EARS2: variants seen among roughly 807,000 people sequenced by gnomAD.
EARS2 encodes glutamyl-tRNA synthetase 2, mitochondrial, also known as nondiscriminating glutamyl-tRNA synthetase EARS2, mitochondrial.
Under a neutral mutation model 54.1 loss-of-function variants are expected in EARS2, and 50 were observed. The observed-to-expected ratio is 0.92, with a 90% CI of 0.74 to 1.17. The LOEUF (loss-of-function observed/expected upper bound fraction) is 1.17, where lower values mean the gene tolerates loss of function less well. Among genes scored for constraint, EARS2 ranks in the 50% most tolerant of loss-of-function variants. EARS2 has a pLI of 0.00. For missense variants in EARS2, 673 were observed against 675.0 expected, an observed-to-expected ratio of 1.00 and a Z score of 0.03; for synonymous variants, 298 against 281.0, an observed-to-expected ratio of 1.06 and a Z score of -0.61.
At chr16:23,553,958 G>A (rs988809599) in intron 1 of EARS2, among the ~76,000 whole-genome samples, 10 of 150,896 alleles carry the variant, frequency 6.6e-5, no homozygotes, top group Admixed American at 4.6e-4. Flanking sequence ...GACTGTCCAC[G>A]TCGTACATTT....
rs1965204005 is a variant in EARS2, at chr16:23,525,182, TG to T, written c.1488+61del. The T allele has an allele frequency of 1.9e-6, 3 of 1,612,664 alleles. No homozygotes were observed. The African/African-American group carries it at 4.0e-5, about 22-fold the overall frequency. ...ATTGAGCTCAGTGCCTGCCAGGAAA[TG>T]TAAGTTCAAAGGATCAATGAGGGGC... On this transcript the variant is annotated intron_variant, in intron 8 of 8. Coordinates refer to ENST00000449606, the MANE Select transcript of EARS2 (RefSeq NM_001083614.2).
chr16:23,546,266 T>A (rs1965601260), intron 2 of EARS2: 2 of 397,382 alleles, frequency 5.0e-6, no homozygotes, highest in Admixed American at 5.9e-5. Context: ...AACTGGAAGA[T>A]GGTGTTTCTG....
intron 2 of EARS2, chr16:23,550,928 G>A (rs769667104): frequency 5.9e-5 from 9 of 151,584 alleles, no homozygotes; most frequent in Non-Finnish European, 2.9e-5. Context: ...GACAACTGTC[G>A]ACCCATGAAA....
chr16:23,541,508 C>T lies in EARS2; in HGVS notation c.485+3006G>A, dbSNP rs75089907. Among the ~76,000 whole-genome samples the T allele has an allele frequency of 1.9e-3, 292 of 152,176 alleles. 9 individuals carry two copies. The East Asian group carries it at 0.052, about 27-fold the overall frequency. On this transcript the variant is annotated intron_variant, in intron 3 of 8. Transcript: ENST00000449606. Reference sequence around the variant, plus strand: ...GGTAAATTGCACCACATAGCATGTACATAGTACATTGCATGCTACCATGTG... The same window carrying T: ...GGTAAATTGCACCACATAGCATGTATATAGTACATTGCATGCTACCATGTG...
At chr16:23,529,377 C>G in intron 7 of EARS2, 125 bp downstream of exon 7, 1 of 1,262,068 alleles carries the variant, frequency 7.9e-7, no homozygotes, top group Non-Finnish European at 1.1e-6. Flanking sequence ...AGTGAAGGGT[C>G]ACTTCTTCAC....
chr16:23,556,521 A>G (rs1965789168), intron 1 of EARS2, among the ~76,000 whole-genome samples: 1 of 152,054 alleles, frequency 6.6e-6, no homozygotes, highest in Non-Finnish European at 1.5e-5. Flanking sequence ...TGCCCAGATA[A>G]TTTTGTATTT....
intron 4 of EARS2, among the ~76,000 whole-genome samples, chr16:23,534,099 C>A (rs1965372749): frequency 6.6e-6 from 1 of 151,626 alleles, no homozygotes; most frequent in African/African-American, 2.4e-5. Context: ...GGAGCTGCTT[C>A]TTGTGAGCAG....
intron 7 of EARS2, among the ~76,000 whole-genome samples, chr16:23,528,858 T>G (rs1015470211): frequency 7.9e-5 from 12 of 152,210 alleles, no homozygotes; most frequent in Admixed American, 7.9e-4. Flanking sequence ...AATGGAGAAA[T>G]GTACTTCCAC....
At chr16:23,535,531 G>C in intron 3 of EARS2, 171 bp from the exon 4 acceptor site, 1 of 626,448 alleles carries the variant, frequency 1.6e-6, no homozygotes, top group Non-Finnish European at 2.8e-6. Context: ...AGATAACATG[G>C]TGTAGCAGAC....
rs746798000 is a variant in EARS2 at position 23,525,273 on chromosome 16, G to T, written c.1459C>A (p.Leu487Ile). ...EGTKYSNVMK[L>I]LRMALSGQQQ... ...TGTCCACTGAGGGCCATCCGAAGGAGTTTCATCACATTACTGTACTTGGTG... is the reference window on the plus strand; with the variant it reads ...TGTCCACTGAGGGCCATCCGAAGGATTTTCATCACATTACTGTACTTGGTG... Residue 487 changes from leucine to isoleucine, a missense_variant, in exon 8 of 9, where the codon CTC becomes ATC. Transcript: ENST00000449606. 1 of 1,614,152 alleles carries T rather than the reference G, an allele frequency of 6.2e-7. No homozygotes were observed. Among genetic ancestry groups the T allele is most frequent in the Non-Finnish European group, 8.5e-7 (1 of 1,180,034 alleles).
Position 23,532,711 on chromosome 16 carries a change from T to C in EARS2, c.1013A>G (p.Gln338Arg), listed in dbSNP as rs761918433. The C allele has an allele frequency of 6.2e-7, 1 of 1,614,124 alleles. No homozygotes were observed. The highest frequency in any genetic ancestry group is 8.5e-7 in the Non-Finnish European group (1 of 1,180,006). Residue 338 changes from glutamine to arginine, a missense_variant, in exon 5 of 9, where the codon CAG becomes CGG. Physicochemically the swap from Gln to Arg is conservative, Grantham distance 43. Transcript: ENST00000449606. ...CAGCAGGGCTGAGTGACAGGTGACCTGTGTCAGGTTGAACTGTGTGATCAG... is the reference window on the plus strand; with the variant it reads ...CAGCAGGGCTGAGTGACAGGTGACCCGTGTCAGGTTGAACTGTGTGATCAG... ...PELITQFNLTQVTCHSALLDL... is the reference protein window; with the variant it reads ...PELITQFNLTRVTCHSALLDL...
At chr16:23,541,970 C>T (rs961174108) in intron 3 of EARS2, among the ~76,000 whole-genome samples, 4 of 151,854 alleles carry the variant, frequency 2.6e-5, no homozygotes, top group South Asian at 2.1e-4. Flanking sequence ...ATTATTCTCC[C>T]GCCTCAGCCT....
chr16:23,535,144 C>T lies in EARS2; in HGVS notation c.702G>A (p.Val234=), dbSNP rs765978380. Reference sequence around the variant, plus strand: ...GGCTGATGCCCATGTGGTGGTCGTCCACCACGCAGGCCAGGTGGTATGTGG... The same window carrying T: ...GGCTGATGCCCATGTGGTGGTCGTCTACCACGCAGGCCAGGTGGTATGTGG... The part of the protein sequence containing the change: ...GFPTYHLACV[V]DDHHMGISHV... The change falls in exon 4 of 9, where the codon GTG becomes GTA. Residue 234 remains valine, a synonymous_variant. Transcript: ENST00000449606. The T allele has an allele frequency of 1.2e-6, 2 of 1,613,244 alleles. No homozygotes were observed. The highest frequency in any genetic ancestry group is 1.7e-6 in the Non-Finnish European group (2 of 1,179,846).
rs1007741696 is a variant in EARS2 at position 23,521,050 on chromosome 16, C to A, written c.*3321G>T. 6.6e-6 allele frequency among the ~76,000 whole-genome samples: 1 copy of A among 152,124 alleles called. No individual in the cohort carries two copies. The highest frequency in any genetic ancestry group is 2.4e-5 in the African/African-American group (1 of 41,410). On this transcript the variant is annotated 3_prime_UTR_variant, in exon 9 of 9. Transcript: ENST00000449606. ...CAAGTGATCTGCCTGCCTTGGCCTC[C>A]CAAAATGTTGGGATTCTAGGTGTGA...
chr16:23,551,385 G>A (rs1457263833), intron 2 of EARS2, among the ~76,000 whole-genome samples: 3 of 152,188 alleles, frequency 2.0e-5, no homozygotes, highest in Non-Finnish European at 4.4e-5. Flanking sequence ...GGAGGCTGTA[G>A]CAGGAGGATT....
intron 4 of EARS2, 65 bp downstream of exon 4, chr16:23,534,823 G>A (rs1158009880): frequency 7.1e-7 from 1 of 1,407,102 alleles, no homozygotes; most frequent in South Asian, 1.4e-5. Flanking sequence ...AGGACTGTCT[G>A]AGCCAAAGCC....
intron 3 of EARS2, among the ~76,000 whole-genome samples, chr16:23,542,760 G>T (rs927878753): frequency 6.6e-6 from 1 of 152,096 alleles, no homozygotes; most frequent in Non-Finnish European, 1.5e-5. Flanking sequence ...CCTTGAGTGT[G>T]GGCTGGGCCT....
intron 1 of EARS2, among the ~76,000 whole-genome samples, chr16:23,553,366 T>G (rs918420936): frequency 5.9e-5 from 9 of 152,164 alleles, no homozygotes; most frequent in African/African-American, 2.2e-4. Flanking sequence ...AGTTATTCAT[T>G]GAGGCCATAT....
chr16:23,556,709 T>C (rs1032315752), intron 1 of EARS2: 1 of 357,572 alleles, frequency 2.8e-6, no homozygotes, highest in Non-Finnish European at 5.5e-6. Flanking sequence ...TTCTTGTCAT[T>C]TGGATCTCAG....
Sources: gnomAD v4.1 joint callset for allele counts (sites outside exome capture counted in the v4.1 genomes callset) on GRCh38, gnomAD v4.1.1 for gene constraint, MANE v1.5 for transcripts, NCBI Gene and HGNC (gene_info 2026-07-23, HGNC 2026-07-21) for gene names.